The following MUSK variants were observed in gnomAD, a reference collection of about 807,000 sequenced individuals.
MUSK encodes the protein muscle, skeletal receptor tyrosine-protein kinase.
MUSK carries 55 observed loss-of-function variants against 88.7 expected under a neutral mutation model. The observed-to-expected ratio is 0.62, with a 90% confidence interval of 0.50 to 0.78. MUSK has a LOEUF of 0.78. Among genes scored for constraint, MUSK ranks in the 30% least tolerant of loss-of-function variants. The pLI is 0.00. For synonymous variants in MUSK, 387 were observed against 391.9 expected (o/e 0.99, Z 0.15); for missense variants, 1,015 against 1,074.3 (o/e 0.94, Z 0.77).
intron 6 of MUSK, among the ~76,000 whole-genome samples, chr9:110,741,741 C>T (rs191217914): frequency 6.6e-6 from 1 of 152,248 alleles, no homozygotes; most frequent in Admixed American, 6.5e-5. Context: ...TACATCCCTT[C>T]AAATACAGTA....
intron 5 of MUSK, among the ~76,000 whole-genome samples, chr9:110,723,230 T>TACACACACACACAC (rs1391888387): frequency 1.8e-5 from 1 of 57,026 alleles, no homozygotes; most frequent in Admixed American, 1.5e-4. Context: ...CTACTACATA[T>TACACACACACACAC]ACATACACAC....
intron 1 of MUSK, among the ~76,000 whole-genome samples, chr9:110,677,578 A>G (rs898563519): frequency 1.3e-5 from 2 of 152,100 alleles, no homozygotes; most frequent in African/African-American, 4.8e-5. Flanking sequence ...GTTTTCTTCT[A>G]ATTGGCTTAG....
chr9:110,748,582 A>G (rs1285733986), intron 7 of MUSK, among the ~76,000 whole-genome samples: 5 of 152,296 alleles, frequency 3.3e-5, no homozygotes, highest in African/African-American at 1.2e-4. Flanking sequence ...TGTATCAGGA[A>G]ATGCCAGGCA....
chr9:110,739,947 T>A (rs1230573384), intron 6 of MUSK, among the ~76,000 whole-genome samples: 3 of 152,136 alleles, frequency 2.0e-5, no homozygotes, highest in African/African-American at 7.2e-5. Context: ...ACATATATTA[T>A]CATATTACAA....
rs1564268573 is a variant in MUSK, at chr9:110,755,939, T to TATATATATAC, written c.914-6254_914-6253insCATATATATA. ...CCAGTGCCATATATATATACATATA[T>TATATATATAC]ATATATATATACACATATATATATA... On this transcript the variant is annotated intron_variant, in intron 7 of 14. Transcript: ENST00000374448. Among the ~76,000 whole-genome samples, 651 of 71,180 alleles carry TATATATATAC rather than the reference T, an allele frequency of 9.1e-3. 12 individuals are homozygous for TATATATATAC. Among genetic ancestry groups the TATATATATAC allele is most frequent in the African/African-American group, 0.012 (204 of 17,206 alleles). The allele number at this position is 71,180 out of a possible 152,430, so 46.7% of individuals were successfully genotyped here.
intron 1 of MUSK, among the ~76,000 whole-genome samples, chr9:110,673,404 A>G (rs943900702): frequency 1.3e-5 from 2 of 152,168 alleles, no homozygotes; most frequent in African/African-American, 4.8e-5. Flanking sequence ...AATAGTATCT[A>G]CCTTTTTTGT....
chr9:110,691,722 T>C (rs2076358427), intron 3 of MUSK, among the ~76,000 whole-genome samples: 1 of 152,188 alleles, frequency 6.6e-6, no homozygotes, highest in African/African-American at 2.4e-5. Context: ...TAGGTCTACT[T>C]GGGACATTTA....
intron 7 of MUSK, among the ~76,000 whole-genome samples, chr9:110,753,353 A>C (rs1403781625): frequency 1.3e-5 from 2 of 151,682 alleles, no homozygotes; most frequent in Non-Finnish European, 2.9e-5. Flanking sequence ...AGTCACTTGC[A>C]CCTGGGAGAT....
chr9:110,707,049 G>C (rs535415683), intron 5 of MUSK, among the ~76,000 whole-genome samples: 1 of 151,826 alleles, frequency 6.6e-6, no homozygotes, highest in Non-Finnish European at 1.5e-5. Context: ...GAGAGAGAGA[G>C]AGAGAGAATT....
chr9:110,779,157 C>T (rs1489800065), intron 11 of MUSK, among the ~76,000 whole-genome samples: 6 of 151,828 alleles, frequency 4.0e-5, no homozygotes, highest in African/African-American at 1.5e-4. Context: ...ATTAAAGTTA[C>T]AAGTTCTTAG....
intron 1 of MUSK, among the ~76,000 whole-genome samples, chr9:110,673,443 T>C (rs758898157): frequency 4.6e-5 from 7 of 152,202 alleles, no homozygotes; most frequent in Non-Finnish European, 7.3e-5. Context: ...GAATAAAAAG[T>C]ATAATGCATG....
chr9:110,677,641 T>A (rs189314175), intron 1 of MUSK, among the ~76,000 whole-genome samples: 1 of 152,356 alleles, frequency 6.6e-6, no homozygotes, highest in East Asian at 1.9e-4. Flanking sequence ...TTCCTCTGCC[T>A]GGAACACTCT....
intron 11 of MUSK, among the ~76,000 whole-genome samples, chr9:110,778,077 A>T (rs2077697650): frequency 6.6e-6 from 1 of 152,108 alleles, no homozygotes; most frequent in Admixed American, 6.5e-5. Flanking sequence ...TATTTTCCAA[A>T]GAGTGTCTTG....
intron 6 of MUSK, among the ~76,000 whole-genome samples, chr9:110,744,498 A>G (rs2077148585): frequency 6.6e-6 from 1 of 152,214 alleles, no homozygotes; most frequent in Admixed American, 6.5e-5. Context: ...AATCACCTTC[A>G]AAGAGTTTTT....
chr9:110,788,763 T>C (rs746014961), intron 14 of MUSK, among the ~76,000 whole-genome samples: 1 of 152,058 alleles, frequency 6.6e-6, no homozygotes, highest in Admixed American at 6.6e-5. Flanking sequence ...TTTAAAGTGT[T>C]AAAGCAGAGA....
intron 1 of MUSK, among the ~76,000 whole-genome samples, chr9:110,671,024 T>G (rs1267212159): frequency 6.6e-6 from 1 of 152,166 alleles, no homozygotes; most frequent in African/African-American, 2.4e-5. Context: ...CAGGCTGCAG[T>G]GCAGTGGTGT....
At chr9:110,787,514 A>G (rs779693022) in intron 13 of MUSK, among the ~76,000 whole-genome samples, 176 bp from the exon 14 acceptor site, 4 of 152,172 alleles carry the variant, frequency 2.6e-5, no homozygotes, top group Non-Finnish European at 5.9e-5. Flanking sequence ...ATTAGTTGAC[A>G]TCAAGGAGTT....
intron 3 of MUSK, among the ~76,000 whole-genome samples, chr9:110,689,743 T>TATATATAATC (rs1417062202): frequency 1.3e-5 from 1 of 74,140 alleles, no homozygotes. Flanking sequence ...ATATATAATA[T>TATATATAATC]TATATATTAT....
intron 5 of MUSK, among the ~76,000 whole-genome samples, chr9:110,706,617 G>A (rs4401940): frequency 0.57 from 87,252 of 151,932 alleles, 26,003 homozygotes; most frequent in Non-Finnish European, 0.64. Context: ...GGAATTTTCA[G>A]TGAGGGTTTG....
Sources: gnomAD v4.1 joint callset for allele counts (sites outside exome capture counted in the v4.1 genomes callset) on GRCh38, gnomAD v4.1.1 for gene constraint, MANE v1.5 for transcripts, NCBI Gene and HGNC (gene_info 2026-07-23, HGNC 2026-07-21) for gene names.